Variants in RASAL2 observed in about 807,000 individuals in gnomAD.
The protein encoded by RASAL2 is ras GTPase-activating protein nGAP.
Under a neutral mutation model 128.9 loss-of-function variants are expected in RASAL2, and 58 were observed. The ratio of observed to expected loss-of-function variants is 0.45; its 90% CI spans 0.36 to 0.56. The LOEUF (loss-of-function observed/expected upper bound fraction) is 0.56. RASAL2 is among the 20% of genes least tolerant of loss of function. The probability of loss-of-function intolerance (pLI) is 0.00; values close to 1 mark genes in which losing one functional copy is unlikely to be tolerated. For synonymous variants in RASAL2, 561 were observed against 580.8 expected, an observed-to-expected ratio of 0.97 and a Z score of 0.49; for missense variants, 1,360 against 1,601.6, an observed-to-expected ratio of 0.85 and a Z score of 2.57.
At chr1:178,159,769 A>G (rs1419550660) in intron 1 of RASAL2, among the ~76,000 whole-genome samples, 1 of 151,992 alleles carries the variant, frequency 6.6e-6, no homozygotes, top group Non-Finnish European at 1.5e-5. Context: ...TTTTTACTAA[A>G]AATAAAAAAG....
chr1:178,396,852 A>C (rs1673267146), intron 4 of RASAL2, among the ~76,000 whole-genome samples: 1 of 151,864 alleles, frequency 6.6e-6, no homozygotes, highest in South Asian at 2.1e-4. Context: ...GCTCTAGAAG[A>C]ATTTGAATAG....
intron 2 of RASAL2, among the ~76,000 whole-genome samples, chr1:178,286,051 C>T (rs957115621): frequency 1.3e-5 from 2 of 152,198 alleles, no homozygotes; most frequent in East Asian, 3.8e-4. Context: ...GGGTAACCCT[C>T]ATCCACCACG....
At chr1:178,409,696 C>T (rs1047240165) in intron 4 of RASAL2, among the ~76,000 whole-genome samples, 1 of 152,168 alleles carries the variant, frequency 6.6e-6, no homozygotes. Context: ...AATTATCCAT[C>T]CCTTGACCAG....
At chr1:178,314,441 G>A (rs913878830) in intron 3 of RASAL2, among the ~76,000 whole-genome samples, 1 of 152,104 alleles carries the variant, frequency 6.6e-6, no homozygotes, top group Non-Finnish European at 1.5e-5. Flanking sequence ...TTACAGATTT[G>A]CCAGTGATCT....
intron 1 of RASAL2, among the ~76,000 whole-genome samples, chr1:178,231,389 T>C (rs1018581578): frequency 6.6e-6 from 1 of 152,254 alleles, no homozygotes; most frequent in Admixed American, 6.5e-5. Flanking sequence ...AAATTGGTTT[T>C]TCTTTTTACC....
intron 1 of RASAL2, among the ~76,000 whole-genome samples, chr1:178,110,379 A>G (rs2102242702): frequency 6.6e-6 from 1 of 151,964 alleles, no homozygotes; most frequent in Admixed American, 6.6e-5. Flanking sequence ...TTCTATTTGC[A>G]TATAGTTTAG....
At chr1:178,472,974 A>C (rs1231547222) in intron 17 of RASAL2, 101 bp from the exon 18 acceptor site, 2 of 1,379,712 alleles carry the variant, frequency 1.4e-6, no homozygotes, top group Non-Finnish European at 2.0e-6. Context: ...AGCACCATGC[A>C]TACAACTGTT....
intron 1 of RASAL2, among the ~76,000 whole-genome samples, chr1:178,179,112 G>A (rs1661989887): frequency 6.6e-6 from 1 of 152,160 alleles, no homozygotes; most frequent in Admixed American, 6.5e-5. Flanking sequence ...TGAAGCTGAT[G>A]ATGTGTTGGT....
intron 1 of RASAL2, among the ~76,000 whole-genome samples, chr1:178,180,367 G>A (rs892743323): frequency 5.9e-5 from 9 of 151,410 alleles, no homozygotes; most frequent in African/African-American, 1.9e-4. Context: ...TAAGAGGCTG[G>A]GCATGGTGGC....
chr1:178,303,433 C>T (rs1437672591), intron 3 of RASAL2, among the ~76,000 whole-genome samples: 1 of 151,548 alleles, frequency 6.6e-6, no homozygotes, highest in Non-Finnish European at 1.5e-5. Context: ...ACCCAAAATG[C>T]ACTAACACTA....
chr1:178,236,236 T>C (rs1203773773), intron 1 of RASAL2, among the ~76,000 whole-genome samples: 1 of 152,184 alleles, frequency 6.6e-6, no homozygotes, highest in Non-Finnish European at 1.5e-5. Flanking sequence ...AGATTATGCC[T>C]AATAATCTTG....
chr1:178,098,953 T>C (rs1302199156), intron 1 of RASAL2, among the ~76,000 whole-genome samples: 1 of 152,196 alleles, frequency 6.6e-6, no homozygotes, highest in Non-Finnish European at 1.5e-5. Flanking sequence ...TAAGAATTAA[T>C]AGAAGTTCAT....
At chr1:178,123,445 A>G (rs753125133) in intron 1 of RASAL2, among the ~76,000 whole-genome samples, 9 of 152,208 alleles carry the variant, frequency 5.9e-5, no homozygotes, top group Non-Finnish European at 1.2e-4. Flanking sequence ...GGCTTTGAAC[A>G]TCTAATTTTT....
At chr1:178,231,288 A>C (rs895818926) in intron 1 of RASAL2, among the ~76,000 whole-genome samples, 1 of 152,102 alleles carries the variant, frequency 6.6e-6, no homozygotes, top group African/African-American at 2.4e-5. Flanking sequence ...ACCTACTGTA[A>C]CAAGATTAAT....
chr1:178,193,599 C>T (rs923506564), intron 1 of RASAL2, among the ~76,000 whole-genome samples: 14 of 152,114 alleles, frequency 9.2e-5, no homozygotes, highest in African/African-American at 3.1e-4. Context: ...TTCTTTCCCT[C>T]CTTCACCCTG....
intron 1 of RASAL2, among the ~76,000 whole-genome samples, chr1:178,180,071 T>C (rs1200722823): frequency 1.3e-5 from 2 of 152,292 alleles, no homozygotes; most frequent in African/African-American, 4.8e-5. Context: ...CTTATTAATC[T>C]GGATTCTCTA....
chr1:178,421,955 A>G (rs997529480), intron 5 of RASAL2, among the ~76,000 whole-genome samples: 2 of 152,030 alleles, frequency 1.3e-5, no homozygotes, highest in African/African-American at 4.8e-5. Flanking sequence ...AATTTTCATC[A>G]TTCCAGGAAT....
At chr1:178,258,048 A>T (rs1665465313) in intron 1 of RASAL2, among the ~76,000 whole-genome samples, 1 of 152,130 alleles carries the variant, frequency 6.6e-6, no homozygotes, top group Non-Finnish European at 1.5e-5. Context: ...TAATCCCAGC[A>T]CTTTGGGAGG....
intron 3 of RASAL2, chr1:178,389,221 A>G: frequency 5.2e-6 from 5 of 964,722 alleles, no homozygotes; most frequent in Non-Finnish European, 6.2e-6. Context: ...TTCCTTGTCC[A>G]TGTTGAGATT....
Sources: allele counts gnomAD v4.1 joint callset (sites outside exome capture counted in the v4.1 genomes callset), GRCh38; gene constraint gnomAD v4.1.1; transcripts MANE v1.5; gene names NCBI Gene and HGNC (gene_info 2026-07-23, HGNC 2026-07-21).